The following NALF1 variants were observed in gnomAD, a reference collection of about 807,000 sequenced individuals.
NALF1 encodes the protein family with sequence similarity 155 member A.
In NALF1, 3 loss-of-function variants were observed where a neutral mutation model predicts 48.4. The observed-to-expected ratio is 0.06, with a 90% CI of 0.03 to 0.16. The LOEUF is 0.16. NALF1 is among the 10% of genes least tolerant of loss of function. NALF1 has a pLI of 1.00. For synonymous variants in NALF1, 262 were observed against 245.7 expected (o/e 1.07, Z -0.62); for missense variants, 526 against 571.5 (o/e 0.92, Z 0.81).
At chr13:107,853,087 T>C (rs575396678) in intron 1 of NALF1, among the ~76,000 whole-genome samples, 1 of 152,354 alleles carries the variant, frequency 6.6e-6, no homozygotes, top group South Asian at 2.1e-4. Flanking sequence ...AAAATTATTC[T>C]ACTCTAGTCA....
Position 107,553,078 on chromosome 13 carries a change from C to T in NALF1, c.915+312604G>A, listed in dbSNP as rs544184036. 2.0e-5 allele frequency among the ~76,000 whole-genome samples: 3 copies of T among 152,040 alleles called. No individual in the cohort carries two copies. The South Asian group carries it at 6.2e-4, about 32-fold the overall frequency. ...ATATAAATAGATGAATCTTCAATAT[C>T]ATCAATATATAGTAAATGAAAAGCA... On this transcript the variant is annotated intron_variant, in intron 1 of 2. Transcript: ENST00000375915.
intron 1 of NALF1, among the ~76,000 whole-genome samples, chr13:107,718,851 C>A (rs1373920942): frequency 1.3e-5 from 2 of 152,186 alleles, no homozygotes; most frequent in Non-Finnish European, 2.9e-5. Context: ...GTCACCTTAG[C>A]CACATTTCAA....
At chr13:107,390,877 T>TTAA (rs71121527) in intron 1 of NALF1, among the ~76,000 whole-genome samples, 10,258 of 147,194 alleles carry the variant, frequency 0.07, 360 homozygotes, top group African/African-American at 0.095. Context: ...AGCCAGAAGG[T>TTAA]TAATAATAAT....
chr13:107,284,240 G>C (rs779746793), intron 1 of NALF1, among the ~76,000 whole-genome samples: 82 of 152,248 alleles, frequency 5.4e-4, no homozygotes, highest in Middle Eastern at 3.4e-3. Flanking sequence ...AAAGACCCTG[G>C]AGAAGGGGGA....
intron 1 of NALF1, among the ~76,000 whole-genome samples, chr13:107,437,470 T>C (rs1345060387): frequency 6.6e-6 from 1 of 152,224 alleles, no homozygotes; most frequent in Non-Finnish European, 1.5e-5. Flanking sequence ...GGTTCATAAT[T>C]GTCAAAAACT....
intron 1 of NALF1, among the ~76,000 whole-genome samples, chr13:107,646,257 T>G (rs1292775394): frequency 6.6e-6 from 1 of 151,218 alleles, no homozygotes; most frequent in East Asian, 1.9e-4. Flanking sequence ...CTGTACTCTT[T>G]CACATACACT....
chr13:107,217,105 A>G (rs1042055460), intron 1 of NALF1, among the ~76,000 whole-genome samples: 9 of 152,082 alleles, frequency 5.9e-5, no homozygotes, highest in African/African-American at 2.2e-4. Flanking sequence ...GTAACAGTCA[A>G]TATCTTCCTT....
At chr13:107,625,700 G>A (rs1485000073) in intron 1 of NALF1, among the ~76,000 whole-genome samples, 2 of 152,030 alleles carry the variant, frequency 1.3e-5, no homozygotes, top group African/African-American at 4.8e-5. Flanking sequence ...CAGGCCAGCA[G>A]AATTTTATAG....
At chr13:107,749,803 T>C (rs1007846909) in intron 1 of NALF1, among the ~76,000 whole-genome samples, 2 of 149,642 alleles carry the variant, frequency 1.3e-5, no homozygotes, top group Admixed American at 6.8e-5. Flanking sequence ...GTTTTTTTGT[T>C]GTGGTGGTTT....
At chr13:107,833,159 T>C (rs1162189789) in intron 1 of NALF1, among the ~76,000 whole-genome samples, 1 of 152,102 alleles carries the variant, frequency 6.6e-6, no homozygotes, top group Non-Finnish European at 1.5e-5. Flanking sequence ...TCCTTTAGCA[T>C]ACCACTTTGA....
intron 1 of NALF1, among the ~76,000 whole-genome samples, chr13:107,403,933 T>C (rs560262703): frequency 6.6e-6 from 1 of 152,268 alleles, no homozygotes; most frequent in Admixed American, 6.5e-5. Flanking sequence ...TCTTGAATTC[T>C]ATGACATAAA....
chr13:107,269,860 G>A (rs964623442), intron 1 of NALF1, among the ~76,000 whole-genome samples: 27 of 146,516 alleles, frequency 1.8e-4, no homozygotes, highest in African/African-American at 4.0e-4. Flanking sequence ...CCATTCTCCT[G>A]CCTCAGCCTT....
chr13:107,806,652 A>G (rs1878800437), intron 1 of NALF1, among the ~76,000 whole-genome samples: 1 of 152,170 alleles, frequency 6.6e-6, no homozygotes, highest in African/African-American at 2.4e-5. Flanking sequence ...TTTCAGAATA[A>G]TTCTTCAAAA....
rs771636473 is a variant in NALF1, at chr13:107,167,051, CTA to C, written c.*3444_*3445del. On this transcript the variant is annotated 3_prime_UTR_variant, in exon 3 of 3. Transcript: ENST00000375915. ...ATGCAATAAAGAATGACATTGAACT[CTA>C]TGTTATTTGCCATTTAGCTTAGCAG... 6.6e-6 allele frequency: 1 copy of C among 152,152 alleles called. No homozygotes were observed. Among genetic ancestry groups the C allele is most frequent in the African/African-American group, 2.4e-5 (1 of 41,442 alleles). 9.4% of individuals were successfully genotyped at this position (152,152 alleles called of 1,614,324 possible). A position where few individuals can be genotyped will look rare whatever the true frequency, so the allele number is the denominator to read the frequency against.
intron 2 of NALF1, among the ~76,000 whole-genome samples, chr13:107,205,739 G>A (rs548542502): frequency 2.0e-5 from 3 of 152,216 alleles, no homozygotes; most frequent in African/African-American, 7.2e-5. Context: ...ATTTCCCTCT[G>A]TAAGAGAGCA....
intron 1 of NALF1, among the ~76,000 whole-genome samples, chr13:107,650,920 T>C (rs540250180): frequency 1.3e-4 from 19 of 151,804 alleles, no homozygotes; most frequent in African/African-American, 4.4e-4. Flanking sequence ...TGGCGTCTAC[T>C]TGACGGGGGA....
chr13:107,254,392 T>C (rs905204955), intron 1 of NALF1, among the ~76,000 whole-genome samples: 3 of 152,204 alleles, frequency 2.0e-5, no homozygotes, highest in African/African-American at 7.2e-5. Context: ...GGACATTGCA[T>C]GGAGATGGCA....
At chr13:107,831,062 G>A (rs991527422) in intron 1 of NALF1, among the ~76,000 whole-genome samples, 4 of 152,138 alleles carry the variant, frequency 2.6e-5, no homozygotes, top group Admixed American at 2.6e-4. Flanking sequence ...CAAAGAAACT[G>A]GGACTGAAGA....
chr13:107,724,213 T>C (rs1430013789), intron 1 of NALF1, among the ~76,000 whole-genome samples: 6 of 152,168 alleles, frequency 3.9e-5, no homozygotes, highest in Admixed American at 3.9e-4. Flanking sequence ...TTTTAAGATC[T>C]GCTTTTGTCA....
Sources: gnomAD v4.1 joint callset for allele counts (sites outside exome capture counted in the v4.1 genomes callset) on GRCh38, gnomAD v4.1.1 for gene constraint, MANE v1.5 for transcripts, NCBI Gene and HGNC (gene_info 2026-07-23, HGNC 2026-07-21) for gene names.